The following XYLB variants were observed in gnomAD, a reference collection of about 807,000 sequenced individuals.
XYLB encodes the protein xylulokinase.
In XYLB, 62 loss-of-function variants were observed where a neutral mutation model predicts 78.7. That is an observed-to-expected ratio of 0.79 (90% CI 0.64 to 0.97). The LOEUF is 0.97. Ranked by LOEUF, XYLB falls within the 50% of genes least tolerant of loss-of-function variation. The pLI, the probability that XYLB is intolerant of heterozygous loss-of-function variation, is 0.00. For missense variants in XYLB, 687 were observed against 676.8 expected, an observed-to-expected ratio of 1.02 and a Z score of -0.17; for synonymous variants, 245 against 247.4, an observed-to-expected ratio of 0.99 and a Z score of 0.09.
chr3:38,372,571 T>C, intron 9 of XYLB, 84 bp from the exon 10 acceptor site: 1 of 1,606,368 alleles, frequency 6.2e-7, no homozygotes, highest in Non-Finnish European at 8.5e-7. Flanking sequence ...CTGTAGCGTT[T>C]TCGTGGCCTG....
At chr3:38,360,318 C>T in intron 2 of XYLB, 21 bp from the exon 3 acceptor site, 1 of 1,612,292 alleles carries the variant, frequency 6.2e-7, no homozygotes, top group Non-Finnish European at 8.5e-7. Context: ...CTCTGGTCTA[C>T]ATTCTCTGTT....
intron 18 of XYLB, among the ~76,000 whole-genome samples, chr3:38,412,435 G>C (rs551421806): frequency 6.6e-6 from 1 of 152,154 alleles, no homozygotes; most frequent in African/African-American, 2.4e-5. Context: ...TCTCCAGGCT[G>C]TCTTCCCTTG....
chr3:38,379,772 T>C (rs1257278881), intron 15 of XYLB, among the ~76,000 whole-genome samples: 1 of 152,204 alleles, frequency 6.6e-6, no homozygotes, highest in African/African-American at 2.4e-5. Context: ...GTCTTTCAGC[T>C]TGGACAGGGA....
At chr3:38,390,028 T>C (rs1707583126) in intron 15 of XYLB, among the ~76,000 whole-genome samples, 1 of 152,196 alleles carries the variant, frequency 6.6e-6, no homozygotes, top group South Asian at 2.1e-4. Flanking sequence ...TTATTTAGAC[T>C]TCTTGAATTT....
chr3:38,352,551 A>G (rs1301763017), intron 2 of XYLB, among the ~76,000 whole-genome samples: 1 of 152,224 alleles, frequency 6.6e-6, no homozygotes, highest in African/African-American at 2.4e-5. Flanking sequence ...TCAAGCCTGT[A>G]ATCCTAGCAC....
the XYLB span, among the ~76,000 whole-genome samples, chr3:38,431,931 T>A: frequency 1.3e-5 from 2 of 152,036 alleles, no homozygotes; most frequent in African/African-American, 4.8e-5. Context: ...CCTTGACACA[T>A]GAGGATTGTT....
chr3:38,452,438 GTTT>G, the XYLB span: 4 of 148,590 alleles, frequency 2.7e-5, no homozygotes, highest in African/African-American at 7.4e-5. Flanking sequence ...TTATAAACTT[GTTT>G]TTTTTTTGAG....
chr3:38,356,599 T>C (rs1475678493), intron 2 of XYLB: 2 of 152,232 alleles, frequency 1.3e-5, no homozygotes, highest in Non-Finnish European at 2.9e-5. Context: ...TTTCATAGCT[T>C]TTTGTTTATT....
At position 38,376,180 on chromosome 3, in the gene XYLB, C is replaced by T. The variant is rs201105580; in HGVS notation, c.1068C>T (p.Ser356=). The T allele has an allele frequency of 4.5e-5, 73 of 1,614,132 alleles. No homozygotes were observed. Among genetic ancestry groups the T allele is most frequent in the South Asian group, 3.6e-4 (33 of 91,076 alleles). The part of the protein sequence containing the change: ...IRNESVSRSW[S]DFSKALQSTE... ...ACGAGTCTGTATCCCGTTCCTGGAG[C>T]GATTTCTCTAAGGCACTGCAGTCCA... Residue 356 remains serine (S), a synonymous_variant, in exon 13 of 19, where the codon AGC becomes AGT. Transcript: ENST00000207870.
At chr3:38,412,769 T>C (rs1260685887) in intron 18 of XYLB, among the ~76,000 whole-genome samples, 167 bp from the exon 19 acceptor site, 1 of 152,194 alleles carries the variant, frequency 6.6e-6, no homozygotes, top group African/African-American at 2.4e-5. Flanking sequence ...AACTGTAGGT[T>C]TGAGAACTGC....
At chr3:38,374,339 C>A (rs1484743093) in intron 10 of XYLB, 123 bp from the exon 11 acceptor site, 27 of 1,416,352 alleles carry the variant, frequency 1.9e-5, no homozygotes, top group Non-Finnish European at 9.8e-7. Context: ...GCTCCTGCCT[C>A]CACCCTAGGG....
At chr3:38,377,013 G>T in intron 14 of XYLB, 22 bp downstream of exon 14, 1 of 1,599,108 alleles carries the variant, frequency 6.3e-7, no homozygotes, top group Non-Finnish European at 8.6e-7. Flanking sequence ...GTTGGTGTTG[G>T]AGTTACATTG....
chr3:38,395,819 A>T (rs527627883), intron 16 of XYLB, among the ~76,000 whole-genome samples: 1 of 152,260 alleles, frequency 6.6e-6, no homozygotes, highest in African/African-American at 2.4e-5. Context: ...GTCACATGGA[A>T]AGTGCCTGTT....
chr3:38,437,445 A>G, the XYLB span, among the ~76,000 whole-genome samples: 1 of 152,222 alleles, frequency 6.6e-6, no homozygotes, highest in African/African-American at 2.4e-5. Flanking sequence ...AAAGGCATCC[A>G]TATTGCAAAA....
chr3:38,437,984 T>C, the XYLB span, among the ~76,000 whole-genome samples: 73,609 of 151,650 alleles, frequency 0.49, 19,926 homozygotes, highest in Non-Finnish European at 0.61. Flanking sequence ...GCAGGAGAAT[T>C]GCTTGAACCC....
intron 4 of XYLB, among the ~76,000 whole-genome samples, chr3:38,364,039 A>G (rs966385471): frequency 6.6e-6 from 1 of 152,092 alleles, no homozygotes; most frequent in Non-Finnish European, 1.5e-5. Flanking sequence ...CCAGGCCTGG[A>G]CACCCATCTC....
chr3:38,377,101 C>A, intron 14 of XYLB, 110 bp downstream of exon 14: 2 of 951,464 alleles, frequency 2.1e-6, no homozygotes, highest in East Asian at 4.9e-5. Context: ...ATTCACTCAT[C>A]CATTAATATC....
the XYLB span, among the ~76,000 whole-genome samples, chr3:38,444,628 T>C: frequency 1.3e-5 from 2 of 152,266 alleles, no homozygotes; most frequent in South Asian, 2.1e-4. Context: ...AGAGAGAATA[T>C]TGGGGCCAGG....
chr3:38,364,636 T>G (rs1259051434), intron 4 of XYLB, among the ~76,000 whole-genome samples: 5 of 150,156 alleles, frequency 3.3e-5, no homozygotes, highest in East Asian at 4.2e-4. Flanking sequence ...GACCATTTCC[T>G]GATACTCATG....
Sources: allele counts gnomAD v4.1 joint callset (sites outside exome capture counted in the v4.1 genomes callset), GRCh38; gene constraint gnomAD v4.1.1; transcripts MANE v1.5; gene names NCBI Gene and HGNC (gene_info 2026-07-23, HGNC 2026-07-21).